The following ARHGAP15 variants were observed in gnomAD, a reference collection of about 807,000 sequenced individuals.
ARHGAP15 encodes rho GTPase-activating protein 15.
Under a neutral mutation model 63.7 loss-of-function variants are expected in ARHGAP15, and 51 were observed. That is an observed-to-expected ratio of 0.80 (90% confidence interval 0.64 to 1.01). The LOEUF (loss-of-function observed/expected upper bound fraction) is 1.01, where lower values mean the gene tolerates loss of function less well. Ranked by LOEUF, ARHGAP15 falls within the 50% of genes least tolerant of loss-of-function variation. ARHGAP15 has a pLI of 0.00. For synonymous variants in ARHGAP15, 191 were observed against 193.8 expected (o/e 0.99, Z 0.12); for missense variants, 560 against 564.6 (o/e 0.99, Z 0.08).
intron 4 of ARHGAP15, among the ~76,000 whole-genome samples, chr2:143,219,484 C>T (rs1692900103): frequency 6.6e-6 from 1 of 152,166 alleles, no homozygotes; most frequent in Non-Finnish European, 1.5e-5. Flanking sequence ...ATCTAAGTTG[C>T]CTCTAACTCC....
At chr2:143,683,076 A>C (rs1475449613) in intron 12 of ARHGAP15, 1 of 152,206 alleles carries the variant, frequency 6.6e-6, no homozygotes, top group African/African-American at 2.4e-5. Context: ...TTGTTATTTA[A>C]GCCTTCGTCG....
chr2:143,361,390 C>A (rs556069334), intron 6 of ARHGAP15, among the ~76,000 whole-genome samples: 2 of 152,176 alleles, frequency 1.3e-5, no homozygotes, highest in East Asian at 3.9e-4. Flanking sequence ...TTAAGAGAGA[C>A]CTCTGTATTT....
Position 143,357,647 on chromosome 2 carries a change from G to A in ARHGAP15, c.475-77954G>A, listed in dbSNP as rs192319336. On this transcript the variant is annotated intron_variant, in intron 6 of 13. Transcript: ENST00000295095. ...AAGTACAAGCTATTTTTAAAGCATA[G>A]GCAAGTGTTTACTCTTAAAGCTTTA... 1.7e-3 allele frequency among the ~76,000 whole-genome samples: 264 copies of A among 152,204 alleles called. 4 individuals are homozygous for A. Among genetic ancestry groups the A allele is most frequent in the Non-Finnish European group, 4.9e-4 (33 of 68,012 alleles).
intron 9 of ARHGAP15, among the ~76,000 whole-genome samples, chr2:143,513,934 C>A (rs185261257): frequency 5.3e-5 from 8 of 152,268 alleles, no homozygotes; most frequent in African/African-American, 1.9e-4. Flanking sequence ...TATCTCTGGG[C>A]CTTAGTTCCC....
chr2:143,474,810 T>C (rs573440758), intron 8 of ARHGAP15, among the ~76,000 whole-genome samples: 1 of 152,344 alleles, frequency 6.6e-6, no homozygotes, highest in African/African-American at 2.4e-5. Context: ...TGCCCAAGAA[T>C]GGGGTTATCT....
intron 8 of ARHGAP15, among the ~76,000 whole-genome samples, chr2:143,468,497 A>T (rs968251095): frequency 6.6e-6 from 1 of 152,112 alleles, no homozygotes; most frequent in African/African-American, 2.4e-5. Context: ...TTACTATTCA[A>T]CTAATAAAAC....
chr2:143,645,894 T>A (rs1344095935), intron 12 of ARHGAP15, among the ~76,000 whole-genome samples: 2 of 152,112 alleles, frequency 1.3e-5, no homozygotes, highest in East Asian at 3.9e-4. Flanking sequence ...TTTTGCAAAA[T>A]GTTCAAGATG....
intron 3 of ARHGAP15, among the ~76,000 whole-genome samples, chr2:143,202,938 C>T (rs149944955): frequency 1.1e-4 from 16 of 152,158 alleles, no homozygotes; most frequent in African/African-American, 3.6e-4. Context: ...CTTAAAAACA[C>T]GTAAGACCAA....
At chr2:143,284,394 A>G (rs1681995834) in intron 6 of ARHGAP15, among the ~76,000 whole-genome samples, 1 of 152,198 alleles carries the variant, frequency 6.6e-6, no homozygotes, top group Non-Finnish European at 1.5e-5. Flanking sequence ...AAACGTTGTC[A>G]CTGTTAAACA....
chr2:143,547,238 T>C (rs967734082), intron 10 of ARHGAP15, among the ~76,000 whole-genome samples: 2 of 152,112 alleles, frequency 1.3e-5, no homozygotes, highest in African/African-American at 4.8e-5. Flanking sequence ...GTGCAGAAAA[T>C]AAGACACAAA....
At chr2:143,547,229 T>C (rs939889520) in intron 10 of ARHGAP15, among the ~76,000 whole-genome samples, 1 of 152,162 alleles carries the variant, frequency 6.6e-6, no homozygotes, top group Admixed American at 6.5e-5. Flanking sequence ...AGAATGAATG[T>C]GCAGAAAATA....
chr2:143,542,696 C>T (rs570608267), intron 10 of ARHGAP15, among the ~76,000 whole-genome samples: 1 of 136,042 alleles, frequency 7.4e-6, no homozygotes, highest in Non-Finnish European at 1.5e-5. Context: ...TATAGTATCA[C>T]ATATATAATA....
chr2:143,678,483 C>A (rs1312395852), intron 12 of ARHGAP15, among the ~76,000 whole-genome samples: 2 of 152,172 alleles, frequency 1.3e-5, no homozygotes, highest in East Asian at 1.9e-4. Flanking sequence ...ACAGTTCCAA[C>A]CAAGTTTGTT....
intron 12 of ARHGAP15, among the ~76,000 whole-genome samples, chr2:143,691,659 T>TTGCATCTTCATTGTCTTAAGGCTTA (rs2105394809): frequency 6.6e-6 from 1 of 152,332 alleles, no homozygotes; most frequent in South Asian, 2.1e-4. Flanking sequence ...TGGGAATGAG[T>TTGCATCTTCATTGTCTTAAGGCTTA]TGCATCTTCA....
At chr2:143,248,425 A>G (rs1694134758) in intron 5 of ARHGAP15, among the ~76,000 whole-genome samples, 1 of 152,310 alleles carries the variant, frequency 6.6e-6, no homozygotes, top group Admixed American at 6.5e-5. Flanking sequence ...AAATTCTTAC[A>G]TGTTTTTAGC....
chr2:143,285,707 A>T (rs1682060479), intron 6 of ARHGAP15, among the ~76,000 whole-genome samples: 1 of 152,200 alleles, frequency 6.6e-6, no homozygotes. Flanking sequence ...ATTGTACTTC[A>T]GATTTTAGCA....
intron 11 of ARHGAP15, among the ~76,000 whole-genome samples, chr2:143,603,788 T>A (rs1697871984): frequency 6.6e-6 from 1 of 152,192 alleles, no homozygotes. Context: ...TCTAAAGATT[T>A]ATCATGTTCT....
chr2:143,173,207 T>G (rs1690869340), intron 2 of ARHGAP15, among the ~76,000 whole-genome samples: 1 of 152,054 alleles, frequency 6.6e-6, no homozygotes, highest in African/African-American at 2.4e-5. Context: ...CTAAAAATAT[T>G]TTAAAAAACC....
intron 6 of ARHGAP15, among the ~76,000 whole-genome samples, chr2:143,390,425 C>T (rs1056923033): frequency 1.3e-5 from 2 of 152,182 alleles, no homozygotes; most frequent in Non-Finnish European, 2.9e-5. Context: ...TCTGTGCTAA[C>T]AGGCCTCACG....
Sources: gnomAD v4.1 joint callset for allele counts (sites outside exome capture counted in the v4.1 genomes callset) on GRCh38, gnomAD v4.1.1 for gene constraint, MANE v1.5 for transcripts, NCBI Gene and HGNC (gene_info 2026-07-23, HGNC 2026-07-21) for gene names.